The following MBNL1 variants were observed in gnomAD, a reference collection of about 807,000 sequenced individuals.
MBNL1 encodes the protein muscleblind like splicing regulator 1, also known as muscleblind-like protein 1.
Under a neutral mutation model 42.2 loss-of-function variants are expected in MBNL1, and 8 were observed. The observed-to-expected ratio is 0.19, with a 90% CI of 0.11 to 0.34. The LOEUF (loss-of-function observed/expected upper bound fraction) is 0.34, where lower values mean the gene tolerates loss of function less well. Among genes scored for constraint, MBNL1 ranks in the 10% least tolerant of loss-of-function variants. The pLI is 1.00. For missense variants in MBNL1, 309 were observed against 495.3 expected, an observed-to-expected ratio of 0.62 and a Z score of 3.57; for synonymous variants, 169 against 173.9, an observed-to-expected ratio of 0.97 and a Z score of 0.22.
intron 2 of MBNL1, among the ~76,000 whole-genome samples, chr3:152,331,187 C>T (rs976185453): frequency 6.6e-6 from 1 of 151,570 alleles, no homozygotes; most frequent in Non-Finnish European, 1.5e-5. Context: ...CCTTCCCCTA[C>T]ACACACACAC....
At chr3:152,282,111 T>G (rs983989936) in intron 1 of MBNL1, among the ~76,000 whole-genome samples, 1 of 152,144 alleles carries the variant, frequency 6.6e-6, no homozygotes, top group African/African-American at 2.4e-5. Context: ...GTTGACAAAT[T>G]TGCTCTGAAA....
At chr3:152,370,464 T>C (rs1011378310) in intron 2 of MBNL1, among the ~76,000 whole-genome samples, 1 of 152,218 alleles carries the variant, frequency 6.6e-6, no homozygotes, top group African/African-American at 2.4e-5. Context: ...CTGAGAAGAA[T>C]GTATATTCTG....
At chr3:152,306,398 T>C (rs1312789156) in intron 2 of MBNL1, among the ~76,000 whole-genome samples, 11 of 152,156 alleles carry the variant, frequency 7.2e-5, no homozygotes, top group Admixed American at 7.2e-4. Flanking sequence ...CTTCCAACTT[T>C]AGGATTATTT....
chr3:152,300,961 A>G (rs973984406), intron 2 of MBNL1: 6 of 975,846 alleles, frequency 6.1e-6, no homozygotes, highest in East Asian at 1.1e-4. Context: ...CTGAGGCACA[A>G]ACTTTGTTGC....
chr3:152,392,742 C>T (rs1230347932), intron 2 of MBNL1, among the ~76,000 whole-genome samples: 1 of 152,098 alleles, frequency 6.6e-6, no homozygotes, highest in Non-Finnish European at 1.5e-5. Flanking sequence ...ACAAAAGCAC[C>T]TTTTAGAATA....
chr3:152,437,024 A>G (rs957693936), intron 4 of MBNL1, among the ~76,000 whole-genome samples: 2 of 152,220 alleles, frequency 1.3e-5, no homozygotes, highest in African/African-American at 2.4e-5. Flanking sequence ...AGACAATCCT[A>G]TCTGCAGGTT....
At position 152,286,411 on chromosome 3, in the gene MBNL1, T is replaced by A. The variant is rs748190513; in HGVS notation, c.-789-12994T>A. Among the ~76,000 whole-genome samples, 88 of 120,698 alleles carry A rather than the reference T, an allele frequency of 7.3e-4. 11 individuals carry two copies. In the Middle Eastern group the frequency reaches 0.015, roughly 21 times the overall value. The allele number at this position is 120,698 out of a possible 152,430, so 79.2% of individuals were successfully genotyped here. On this transcript the variant is annotated intron_variant, in intron 1 of 9. Transcript: ENST00000324210. ...TTATATTTTATTTATAATATAAATATTTATATTTTATTTATAATATAAATA... is the reference window on the plus strand; with the variant it reads ...TTATATTTTATTTATAATATAAATAATTATATTTTATTTATAATATAAATA...
intron 4 of MBNL1, among the ~76,000 whole-genome samples, chr3:152,440,366 TTCCACA>T (rs1021670792): frequency 3.3e-5 from 5 of 152,176 alleles, no homozygotes; most frequent in African/African-American, 1.2e-4. Context: ...GGACTTACAG[TTCCACA>T]TGGCTAGGGA....
intron 1 of MBNL1, among the ~76,000 whole-genome samples, chr3:152,296,926 T>C (rs1265548839): frequency 1.3e-5 from 2 of 152,150 alleles, no homozygotes; most frequent in Non-Finnish European, 2.9e-5. Context: ...AAACATATGG[T>C]CTAGTGGGTC....
chr3:152,269,904 G>GCCCCCCCCCC (rs141400947), intron 1 of MBNL1: 1 of 118,570 alleles, frequency 8.4e-6, no homozygotes, highest in Non-Finnish European at 1.7e-5. Flanking sequence ...CAAATATGTA[G>GCCCCCCCCCC]CCACCCCCCA....
intron 2 of MBNL1, among the ~76,000 whole-genome samples, chr3:152,403,462 A>G (rs2098316225): frequency 6.6e-6 from 1 of 152,092 alleles, no homozygotes; most frequent in African/African-American, 2.4e-5. Context: ...TTTTATTTGT[A>G]TGTTTATTGT....
chr3:152,389,449 T>A (rs2097581944), intron 2 of MBNL1, among the ~76,000 whole-genome samples: 1 of 152,058 alleles, frequency 6.6e-6, no homozygotes, highest in Non-Finnish European at 1.5e-5. Flanking sequence ...CATTGTTAGG[T>A]GATTTTGTCA....
intron 3 of MBNL1, among the ~76,000 whole-genome samples, chr3:152,424,918 A>G (rs902789557): frequency 6.6e-6 from 1 of 152,210 alleles, no homozygotes; most frequent in African/African-American, 2.4e-5. Flanking sequence ...TACGAAAATT[A>G]AGATGGATTA....
chr3:152,457,449 C>T (rs947512956), intron 8 of MBNL1, among the ~76,000 whole-genome samples: 25 of 152,270 alleles, frequency 1.6e-4, no homozygotes, highest in African/African-American at 6.0e-4. Flanking sequence ...GAGTAGCCAC[C>T]CTTGTTCTAT....
At chr3:152,322,103 G>A (rs780346860) in intron 2 of MBNL1, among the ~76,000 whole-genome samples, 62 of 151,940 alleles carry the variant, frequency 4.1e-4, no homozygotes, top group Non-Finnish European at 7.4e-4. Flanking sequence ...TAAAAATGCA[G>A]TGACAAGAGA....
intron 4 of MBNL1, 151 bp downstream of exon 4, chr3:152,433,071 A>G: frequency 1.6e-6 from 1 of 628,314 alleles, no homozygotes; most frequent in South Asian, 2.0e-5. Context: ...TAGAGTATAG[A>G]TAATGCTGTA....
upstream of MBNL1, chr3:152,268,611 A>C (rs1318274670): frequency 2.5e-6 from 1 of 392,402 alleles, no homozygotes; most frequent in Non-Finnish European, 5.0e-6. Flanking sequence ...CATGAGATGG[A>C]AGATACCAAC....
chr3:152,254,057 C>T (rs866455288), intron 2 of MBNL1, among the ~76,000 whole-genome samples: 1 of 152,032 alleles, frequency 6.6e-6, no homozygotes, highest in South Asian at 2.1e-4. Context: ...ATAGTAGGTG[C>T]TCAGTAAATA....
intron 2 of MBNL1, among the ~76,000 whole-genome samples, chr3:152,375,570 G>A (rs973168686): frequency 5.3e-5 from 8 of 152,196 alleles, no homozygotes; most frequent in African/African-American, 1.9e-4. Context: ...GCAACATAGT[G>A]ATTGGTATTA....
Sources: gnomAD v4.1 joint callset for allele counts (sites outside exome capture counted in the v4.1 genomes callset) on GRCh38, gnomAD v4.1.1 for gene constraint, MANE v1.5 for transcripts, NCBI Gene and HGNC (gene_info 2026-07-23, HGNC 2026-07-21) for gene names.